CFAP20DC: variants seen among roughly 807,000 people sequenced by gnomAD.
CFAP20DC encodes the protein protein CFAP20DC.
Under a neutral mutation model 101.7 loss-of-function variants are expected in CFAP20DC, and 84 were observed. That is an observed-to-expected ratio of 0.83 (90% confidence interval 0.69 to 0.99). The LOEUF (loss-of-function observed/expected upper bound fraction) is 0.99, where lower values mean the gene tolerates loss of function less well. CFAP20DC is among the 50% of genes least tolerant of loss of function. The pLI, the probability that CFAP20DC is intolerant of heterozygous loss-of-function variation, is 0.00. For missense variants in CFAP20DC, 1,007 were observed against 970.3 expected (o/e 1.04, Z -0.50); for synonymous variants, 359 against 351.2 (o/e 1.02, Z -0.25).
intron 6 of CFAP20DC, among the ~76,000 whole-genome samples, chr3:58,903,698 G>A (rs1330635801): frequency 1.3e-5 from 2 of 152,110 alleles, no homozygotes; most frequent in East Asian, 3.9e-4. Context: ...CACAAGAAGA[G>A]CATGAGGGTA....
At position 59,009,854 on chromosome 3, in the gene CFAP20DC, A is replaced by T. The variant is rs560665780; in HGVS notation, c.278+29703T>A. ...TCAGGTAATCTATAAAGGAAAACCT[A>T]TAAAGTTTCTAGCAGAAACTTTACA... On this transcript the variant is annotated intron_variant, in intron 4 of 16. Coordinates refer to ENST00000482387, the MANE Select transcript of CFAP20DC (RefSeq NM_001394063.1). 4.6e-5 allele frequency among the ~76,000 whole-genome samples: 7 copies of T among 152,274 alleles called. No homozygotes were observed. The East Asian group carries it at 1.4e-3, about 29-fold the overall frequency.
chr3:58,734,920 C>T (rs754543660), intron 3 of CFAP20DC, among the ~76,000 whole-genome samples: 13 of 152,090 alleles, frequency 8.5e-5, no homozygotes, highest in East Asian at 3.8e-4. Context: ...TTTAGAAGAA[C>T]GCTACAGATA....
At chr3:58,773,457 G>T (rs2071043481) in intron 15 of CFAP20DC, among the ~76,000 whole-genome samples, 2 of 151,966 alleles carry the variant, frequency 1.3e-5, no homozygotes, top group Non-Finnish European at 2.9e-5. Context: ...TTGGGGGGCT[G>T]AAGTGGGAGG....
chr3:58,760,262 T>A (rs1039370177), intron 15 of CFAP20DC, among the ~76,000 whole-genome samples: 1 of 152,196 alleles, frequency 6.6e-6, no homozygotes, highest in African/African-American at 2.4e-5. Context: ...CCCTTGTAAG[T>A]TGGATTCCTA....
At chr3:58,816,178 C>G (rs962865605) in intron 14 of CFAP20DC, among the ~76,000 whole-genome samples, 1 of 151,856 alleles carries the variant, frequency 6.6e-6, no homozygotes, top group Admixed American at 6.6e-5. Context: ...TACTATGCAG[C>G]CATAAAAAAT....
At chr3:58,931,513 G>A (rs1237068472) in intron 5 of CFAP20DC, among the ~76,000 whole-genome samples, 2 of 151,966 alleles carry the variant, frequency 1.3e-5, no homozygotes, top group South Asian at 2.1e-4. Context: ...GCCTAACTGG[G>A]AGGCACCCCC....
intron 3 of CFAP20DC, among the ~76,000 whole-genome samples, chr3:59,040,594 C>CA (rs1257004566): frequency 2.0e-5 from 3 of 150,926 alleles, no homozygotes; most frequent in African/African-American, 4.9e-5. Context: ...GGATTAAAGA[C>CA]AAAAAAAAGG....
intron 6 of CFAP20DC, among the ~76,000 whole-genome samples, chr3:58,885,283 TATA>T (rs1451760090): frequency 2.6e-5 from 4 of 152,112 alleles, no homozygotes; most frequent in South Asian, 4.1e-4. Flanking sequence ...TTATTATACT[TATA>T]ATGATATTTT....
At chr3:58,812,452 A>G (rs1301615869) in intron 14 of CFAP20DC, among the ~76,000 whole-genome samples, 1 of 151,980 alleles carries the variant, frequency 6.6e-6, no homozygotes, top group East Asian at 1.9e-4. Flanking sequence ...AACTATCGCA[A>G]GAACAAAAAA....
At position 58,746,365 on chromosome 3, in the gene CFAP20DC, G is replaced by A. The variant is rs116755368; in HGVS notation, c.2333-3793C>T. ...CATGGGGAACTCAGACCTCTGGCACGTAAGAGTTATATGCTATATAATTAT... is the reference window on the plus strand; with the variant it reads ...CATGGGGAACTCAGACCTCTGGCACATAAGAGTTATATGCTATATAATTAT... On this transcript the variant is annotated intron_variant, in intron 16 of 16. Transcript: ENST00000482387. 1.7e-3 allele frequency among the ~76,000 whole-genome samples: 254 copies of A among 152,212 alleles called. 4 individuals carry two copies. The highest frequency in any genetic ancestry group is 5.6e-3 in the South Asian group (27 of 4,810).
chr3:58,993,713 G>A (rs548677332), intron 4 of CFAP20DC, among the ~76,000 whole-genome samples: 2 of 152,246 alleles, frequency 1.3e-5, no homozygotes, highest in East Asian at 1.9e-4. Flanking sequence ...TTAGTTTGCC[G>A]AGGATAATGG....
chr3:58,905,845 T>C (rs1370337727), intron 6 of CFAP20DC, among the ~76,000 whole-genome samples: 1 of 152,194 alleles, frequency 6.6e-6, no homozygotes, highest in East Asian at 1.9e-4. Flanking sequence ...GCAATATAGA[T>C]ACCCTCAACA....
rs144854191 is a variant in CFAP20DC at position 58,769,770 on chromosome 3, C to T, written c.2238-15907G>A. 6.3e-4 allele frequency among the ~76,000 whole-genome samples: 96 copies of T among 152,170 alleles called. 1 individual carries two copies. Among genetic ancestry groups the T allele is most frequent in the Admixed American group, 5.2e-3 (79 of 15,286 alleles). ...ATCACATCTCTACCATAGCAAAAGG[C>T]GGGAAACACGATGCATAAACAACTA... On this transcript the variant is annotated intron_variant, in intron 15 of 16. Coordinates refer to ENST00000482387, the MANE Select transcript of CFAP20DC (RefSeq NM_001394063.1).
intron 4 of CFAP20DC, among the ~76,000 whole-genome samples, 168 bp downstream of exon 4, chr3:59,039,389 A>G (rs1176323013): frequency 1.3e-5 from 2 of 152,094 alleles, no homozygotes; most frequent in Admixed American, 1.3e-4. Context: ...CTATAGTGAT[A>G]TCCAAGAAAT....
rs138124555 is a variant in CFAP20DC, at chr3:58,957,586, G to C, written c.279-19824C>G. On this transcript the variant is annotated intron_variant, in intron 4 of 16. Transcript: ENST00000482387. Reference sequence around the variant, plus strand: ...TTGCAGCACTCTTCACAATAGCCAAGATTTGGAAGCAAACCAAGTGTCCAT... The same window carrying C: ...TTGCAGCACTCTTCACAATAGCCAACATTTGGAAGCAAACCAAGTGTCCAT... Among the ~76,000 whole-genome samples, 157 of 152,286 alleles carry C rather than the reference G, an allele frequency of 1.0e-3. 1 individual carries two copies. The highest frequency in any genetic ancestry group is 1.8e-3 in the Non-Finnish European group (123 of 68,032).
At chr3:58,996,014 CTATCTATCTAT>C (rs2093117879) in intron 4 of CFAP20DC, among the ~76,000 whole-genome samples, 1 of 151,680 alleles carries the variant, frequency 6.6e-6, no homozygotes, top group Non-Finnish European at 1.5e-5. Flanking sequence ...ATCTATCTAT[CTATCTATCTAT>C]TGTTTCTGTT....
In CFAP20DC at chr3:58,721,293, G is replaced by A. The variant is rs2107047722; in HGVS notation, c.198-3665C>T. 1.3e-5 allele frequency among the ~76,000 whole-genome samples: 2 copies of A among 152,238 alleles called. No homozygotes were observed. The highest frequency in any genetic ancestry group is 4.1e-4 in the South Asian group (2 of 4,820). Reference sequence around the variant, plus strand: ...CTGGGCCAGGGATTGTGTACTTCTGGGTGCATGTGTTGGGGCAGGGGTTAT... The same window carrying A: ...CTGGGCCAGGGATTGTGTACTTCTGAGTGCATGTGTTGGGGCAGGGGTTAT... On this transcript the variant is annotated intron_variant, in intron 3 of 3. Transcript: ENST00000486145. The surrounding 1 kb of genome is among the most constrained non-coding windows in gnomAD (Gnocchi z 5.2).
chr3:59,036,808 G>C (rs2094112244), intron 4 of CFAP20DC, among the ~76,000 whole-genome samples: 1 of 152,114 alleles, frequency 6.6e-6, no homozygotes, highest in Admixed American at 6.5e-5. Context: ...AACCAAAAAA[G>C]AGCCCATATA....
At chr3:58,746,771 T>C (rs1401672252) in intron 16 of CFAP20DC, among the ~76,000 whole-genome samples, 1 of 152,108 alleles carries the variant, frequency 6.6e-6, no homozygotes, top group Non-Finnish European at 1.5e-5. Flanking sequence ...CATACAAAAA[T>C]TGGGTGAGAT....
Sources: gnomAD v4.1 joint callset for allele counts (sites outside exome capture counted in the v4.1 genomes callset) on GRCh38, gnomAD v4.1.1 for gene constraint, Gnocchi (gnomAD v3.1) non-coding constraint, MANE v1.5 for transcripts, NCBI Gene and HGNC (gene_info 2026-07-23, HGNC 2026-07-21) for gene names.